PDZRN3: variants seen among roughly 807,000 people sequenced by gnomAD.
The protein encoded by PDZRN3 is E3 ubiquitin-protein ligase PDZRN3.
PDZRN3 carries 38 observed loss-of-function variants against 85.7 expected under a neutral mutation model. That is an observed-to-expected ratio of 0.44 (90% CI 0.34 to 0.58). The LOEUF (loss-of-function observed/expected upper bound fraction) is 0.58, where lower values mean the gene tolerates loss of function less well. Among genes scored for constraint, PDZRN3 ranks in the 20% least tolerant of loss-of-function variants. The pLI, the probability that PDZRN3 is intolerant of heterozygous loss-of-function variation, is 0.01. For synonymous variants in PDZRN3, 759 were observed against 638.0 expected (o/e 1.19, Z -2.86); for missense variants, 1,629 against 1,506.4 (o/e 1.08, Z -1.35).
At chr3:73,390,634 A>AAT (rs1701502161) in intron 6 of PDZRN3, among the ~76,000 whole-genome samples, 9 of 58,616 alleles carry the variant, frequency 1.5e-4, no homozygotes, top group Admixed American at 6.4e-4. Context: ...GAGAAAAAAA[A>AAT]ATGTGTGTGT....
At chr3:73,496,946 G>A (rs143774150) in intron 3 of PDZRN3, among the ~76,000 whole-genome samples, 9 of 152,218 alleles carry the variant, frequency 5.9e-5, no homozygotes, top group Admixed American at 4.6e-4. Context: ...TTAACGTATG[G>A]GCACAGCAAA....
chr3:73,507,585 ATGAAAC>A (rs1234716560), intron 3 of PDZRN3, among the ~76,000 whole-genome samples: 4 of 152,358 alleles, frequency 2.6e-5, no homozygotes, highest in African/African-American at 9.6e-5. Context: ...GCTTTTAGAA[ATGAAAC>A]TGTATCACTT....
intron 3 of PDZRN3, among the ~76,000 whole-genome samples, chr3:73,521,882 T>C (rs1381859253): frequency 1.3e-5 from 2 of 152,170 alleles, no homozygotes; most frequent in African/African-American, 4.8e-5. Flanking sequence ...AGTGGTTGCA[T>C]GCACCTCTCC....
chr3:73,588,330 T>C (rs1702307023), intron 3 of PDZRN3, among the ~76,000 whole-genome samples: 1 of 152,236 alleles, frequency 6.6e-6, no homozygotes, highest in South Asian at 2.1e-4. Context: ...GTCCAGGCTA[T>C]CGTTGATGGG....
rs368291299 is a variant in PDZRN3, at chr3:73,425,170, A to G, written c.919-20775T>C. On this transcript the variant is annotated intron_variant, in intron 3 of 9. Transcript: ENST00000263666. ...GCTGGGACCACAGGTGCCTGCCACC[A>G]CGCCTGTCTAATTTTTTTTTTTGTA... Among the ~76,000 whole-genome samples the G allele has an allele frequency of 1.3e-4, 19 of 151,820 alleles. No individual in the cohort carries two copies. In the East Asian group the frequency reaches 3.7e-3, roughly 29 times the overall value.
In PDZRN3 at chr3:73,592,430, C is replaced by G. The variant is rs550259546; in HGVS notation, c.918+9924G>C. Among the ~76,000 whole-genome samples the G allele has an allele frequency of 4.0e-4, 61 of 151,882 alleles. 1 individual carries two copies. The South Asian group carries it at 0.013, about 31-fold the overall frequency. ...TCTTAGGCTTTGAGTTCTCCCGATC[C>G]CTGAAAGCTGTCAAATGACCCACTA... On this transcript the variant is annotated intron_variant, in intron 3 of 9. Transcript: ENST00000263666.
Position 73,624,392 on chromosome 3 carries a change from C to T in PDZRN3, c.434G>A (p.Gly145Asp), listed in dbSNP as rs1370336321. 6 of 1,307,448 alleles carry T rather than the reference C, an allele frequency of 4.6e-6. No individual in the cohort carries two copies. In the African/African-American group the frequency reaches 7.8e-5, roughly 17 times the overall value. The allele number at this position is 1,307,448 out of a possible 1,614,324, so 81.0% of individuals were successfully genotyped here. The change falls in exon 1 of 10, where the codon GGC becomes GAC. Residue 145 changes from glycine to aspartate, a missense_variant. Physicochemically the swap from Gly to Asp is moderately conservative, Grantham distance 94 (BLOSUM62 -1). Transcript: ENST00000263666. ...GCCGTGCGTCAAGGGTAGCCCGCAG[C>T]CCTCCTGGCAGCGGCCCACTGGCCG... is the stretch of plus-strand genomic sequence containing the variant. ...DARPVGRCQE[G>D]CGLPLTHGEQ... is the part of the protein sequence containing the mutation.
intron 3 of PDZRN3, chr3:73,408,105 G>A: frequency 1.4e-6 from 1 of 701,632 alleles, no homozygotes; most frequent in South Asian, 1.5e-5. Flanking sequence ...ATCAAATACA[G>A]TTCAAATAAG....
At position 73,486,399 on chromosome 3, in the gene PDZRN3, G is replaced by GAA. The variant is rs10662570; in HGVS notation, c.919-82006_919-82005dup. Among the ~76,000 whole-genome samples, 993 of 150,718 alleles carry GAA rather than the reference G, an allele frequency of 6.6e-3. 9 individuals carry two copies. Among genetic ancestry groups the GAA allele is most frequent in the African/African-American group, 0.022 (904 of 41,068 alleles). On this transcript the variant is annotated intron_variant, in intron 3 of 9. Coordinates refer to ENST00000263666, the MANE Select transcript of PDZRN3 (RefSeq NM_015009.3). ...AATGGAGAAGAGCATGAGGTGGAAG[G>GAA]AAAAAAAAATCAATCCACCAAGCAT...
intron 3 of PDZRN3, chr3:73,569,585 G>T: frequency 9.8e-7 from 1 of 1,024,374 alleles, no homozygotes; most frequent in Non-Finnish European, 1.2e-6. Context: ...GACAGACACA[G>T]AGGACAGACA....
At chr3:73,529,779 A>C (rs752626650) in intron 3 of PDZRN3, among the ~76,000 whole-genome samples, 12 of 152,176 alleles carry the variant, frequency 7.9e-5, no homozygotes, top group Admixed American at 1.3e-4. Context: ...CAAACCAAAA[A>C]CAAACATCAG....
rs751807250 is a variant in PDZRN3, at chr3:73,383,947, G to A, written c.2619C>T (p.Ile873=). ...TCTGGTAGTGCTGGGCGTGCGCCGGGATGTGCGCGTGCTTGTATGGGGAGT... is the reference window on the plus strand; with the variant it reads ...TCTGGTAGTGCTGGGCGTGCGCCGGAATGTGCGCGTGCTTGTATGGGGAGT... The part of the protein sequence containing the change: ...YHHSPYKHAH[I]PAHAQHYQSY... Residue 873 remains isoleucine (I), a synonymous_variant, in exon 10 of 10, where the codon ATC becomes ATT. Transcript: ENST00000263666. The A allele has an allele frequency of 4.3e-5, 69 of 1,603,766 alleles. No homozygotes were observed. The Middle Eastern group carries it at 5.0e-4, about 12-fold the overall frequency.
rs368474683 is a variant in PDZRN3 at position 73,432,813 on chromosome 3, AT to A, written c.919-28419del. Among the ~76,000 whole-genome samples, 377 of 150,018 alleles carry A rather than the reference AT, an allele frequency of 2.5e-3. 3 individuals are homozygous for A. The highest frequency in any genetic ancestry group is 8.4e-3 in the African/African-American group (344 of 40,996). ...CTAAAAAGAAAACCTTAGCTGGATT[AT>A]TTTTTTTTTATTACTGCCAAGACAC... On this transcript the variant is annotated intron_variant, in intron 3 of 9. Transcript: ENST00000263666.
intron 1 of PDZRN3, among the ~76,000 whole-genome samples, chr3:73,609,563 T>G (rs943164935): frequency 1.3e-5 from 2 of 152,236 alleles, no homozygotes; most frequent in African/African-American, 2.4e-5. Flanking sequence ...ATGGATGATA[T>G]GCAAAACATC....
At chr3:73,541,905 G>A (rs1387819574) in intron 3 of PDZRN3, among the ~76,000 whole-genome samples, 1 of 152,116 alleles carries the variant, frequency 6.6e-6, no homozygotes, top group African/African-American at 2.4e-5. Context: ...AGAAACCTAT[G>A]GGTGCTTGAA....
chr3:73,610,064 T>C (rs1031533850), intron 1 of PDZRN3, among the ~76,000 whole-genome samples: 2 of 152,230 alleles, frequency 1.3e-5, no homozygotes, highest in African/African-American at 4.8e-5. Flanking sequence ...CGAGTAGTTA[T>C]TATACAACCA....
intron 3 of PDZRN3, among the ~76,000 whole-genome samples, chr3:73,469,484 C>T (rs2106882005): frequency 6.6e-6 from 1 of 152,306 alleles, no homozygotes; most frequent in East Asian, 1.9e-4. Context: ...GGTATGCATG[C>T]TCTTGGGGAT....
intron 3 of PDZRN3, among the ~76,000 whole-genome samples, chr3:73,581,299 T>C (rs1361777392): frequency 6.6e-6 from 1 of 152,240 alleles, no homozygotes; most frequent in Admixed American, 6.5e-5. Flanking sequence ...CTATGTTATG[T>C]TTGTCTTTGA....
At chr3:73,396,635 T>C (rs1359653524) in intron 5 of PDZRN3, among the ~76,000 whole-genome samples, 2 of 152,222 alleles carry the variant, frequency 1.3e-5, no homozygotes, top group African/African-American at 2.4e-5. Flanking sequence ...ATTGAAATTG[T>C]AGTTTTCCTT....
Sources: gnomAD v4.1 joint callset for allele counts (sites outside exome capture counted in the v4.1 genomes callset) on GRCh38, gnomAD v4.1.1 for gene constraint, MANE v1.5 for transcripts, NCBI Gene and HGNC (gene_info 2026-07-23, HGNC 2026-07-21) for gene names.